Variants in DNAAF6 observed in about 807,000 individuals in gnomAD.
DNAAF6 encodes dynein axonemal assembly factor 6.
In DNAAF6, 3 loss-of-function variants were observed where a neutral mutation model predicts 13.7. The ratio of observed to expected loss-of-function variants is 0.22; its 90% CI spans 0.10 to 0.56. The LOEUF (loss-of-function observed/expected upper bound fraction) is 0.56, where lower values mean the gene tolerates loss of function less well. Ranked by LOEUF, DNAAF6 falls within the 20% of genes least tolerant of loss-of-function variation. DNAAF6 has a pLI of 0.92. For missense variants in DNAAF6, 130 were observed against 151.0 expected (o/e 0.86, Z 0.73); for synonymous variants, 54 against 49.2 (o/e 1.10, Z -0.41).
At chrX:107,218,738 A>C in intron 3 of DNAAF6, 126 bp from the exon 4 acceptor site, 1 of 635,271 alleles carries the variant, frequency 1.6e-6, no homozygotes, top group Non-Finnish European at 2.3e-6. Flanking sequence ...TTGATCAAAA[A>C]AAAAAGCTAG....
At position 107,243,227 on chromosome X, in the gene DNAAF6, A is replaced by G; in HGVS notation, c.574A>G (p.Ile192Val). The G allele has an allele frequency of 8.3e-7, 1 of 1,210,633 alleles. No individual in the cohort carries two copies. Among genetic ancestry groups the G allele is most frequent in the Non-Finnish European group, 1.1e-6 (1 of 895,178 alleles). Residue 192 changes from isoleucine (I) to valine (V), a missense_variant, in exon 7 of 7, where the codon ATC becomes GTC. Ile to Val is a conservative substitution (Grantham distance 29). Coordinates refer to ENST00000372453, the MANE Select transcript of DNAAF6 (RefSeq NM_173494.2). The stretch of plus-strand genomic sequence containing the variant: ...ATGTACCAGTGCCAAAGCATTCTAT[A>G]TCCCAGAGACTGAAACTCTTGAAAT... ...VECTSAKAFY[I>V]PETETLEITM...
Position 107,239,025 on chromosome X carries a change from C to T in DNAAF6, c.515+18C>T. 9 of 1,191,511 alleles carry T rather than the reference C, an allele frequency of 7.6e-6. No individual in the cohort carries two copies. The highest frequency in any genetic ancestry group is 1.0e-5 in the Non-Finnish European group (9 of 889,153). ...CCTCAGAAGTGAGTAAAACTTAGAA[C>T]TGGAATAGTGTATTATAATATTAAA... is the stretch of plus-strand genomic sequence containing the variant. On this transcript the variant is annotated intron_variant, in intron 6 of 6. Coordinates refer to ENST00000372453, the MANE Select transcript of DNAAF6 (RefSeq NM_173494.2).
intron 4 of DNAAF6, among the ~76,000 whole-genome samples, chrX:107,221,308 C>T (rs1336462672): frequency 9.1e-6 from 1 of 109,819 alleles, no homozygotes; most frequent in Non-Finnish European, 1.9e-5. Flanking sequence ...ACCACCGCCC[C>T]CCCGGCCCCG....
intron 5 of DNAAF6, among the ~76,000 whole-genome samples, chrX:107,232,318 C>A (rs1928422480): frequency 9.2e-6 from 1 of 108,503 alleles, no homozygotes; most frequent in Non-Finnish European, 1.9e-5. Flanking sequence ...CTTATTGTCC[C>A]ATATTTTTAT....
intron 1 of DNAAF6, among the ~76,000 whole-genome samples, chrX:107,211,782 T>C (rs1335075650): frequency 8.9e-6 from 1 of 111,838 alleles, no homozygotes; most frequent in Non-Finnish European, 1.9e-5. Context: ...AGACATGATA[T>C]CTAAATATAT....
chrX:107,235,459 T>C (rs1928492297), intron 5 of DNAAF6, among the ~76,000 whole-genome samples: 1 of 111,552 alleles, frequency 9.0e-6, no homozygotes, highest in Admixed American at 9.5e-5. Flanking sequence ...AAAAAAGGCA[T>C]TGCTTCTGCC....
intron 5 of DNAAF6, among the ~76,000 whole-genome samples, chrX:107,236,589 C>T (rs77180422): frequency 0.06 from 6,651 of 111,352 alleles, 189 homozygotes; most frequent in South Asian, 0.24. Context: ...TCTCTGAAAC[C>T]ACTGTAGTAT....
chrX:107,230,524 A>C (rs1217715571), intron 5 of DNAAF6, among the ~76,000 whole-genome samples: 1 of 111,706 alleles, frequency 9.0e-6, no homozygotes, highest in Non-Finnish European at 1.9e-5. Context: ...TTCTACTAGA[A>C]ATATAAAAAT....
chrX:107,234,733 G>C (rs188343836), intron 5 of DNAAF6, among the ~76,000 whole-genome samples: 25 of 111,886 alleles, frequency 2.2e-4, no homozygotes, highest in Non-Finnish European at 1.5e-4. Flanking sequence ...TGCTGGTCAA[G>C]TTACATATAT....
intron 4 of DNAAF6, among the ~76,000 whole-genome samples, chrX:107,220,748 T>C (rs1437233107): frequency 9.0e-6 from 1 of 111,237 alleles, no homozygotes; most frequent in Non-Finnish European, 1.9e-5. Flanking sequence ...GAAGAGTTGG[T>C]ATTTGGTTAG....
chrX:107,226,056 C>T lies in DNAAF6; in HGVS notation c.429+3215C>T, dbSNP rs1019023658. Reference sequence around the variant, plus strand: ...TACCACTGCCTTGTTTAAGAAGGTACTATCACCCATGAGGCAGCTCTTAGG... The same window carrying T: ...TACCACTGCCTTGTTTAAGAAGGTATTATCACCCATGAGGCAGCTCTTAGG... On this transcript the variant is annotated intron_variant, in intron 5 of 6. Transcript: ENST00000372453. Among the ~76,000 whole-genome samples, 3 of 111,983 alleles carry T rather than the reference C, an allele frequency of 2.7e-5. No individual in the cohort carries two copies. The East Asian group carries it at 8.4e-4, about 31-fold the overall frequency.
In DNAAF6 at chrX:107,238,987, T is replaced by C. The variant is rs1928575282; in HGVS notation, c.495T>C (p.Leu165=). ...AAATTGATATCCAGGAAACAATCCT[T>C]GACCTTCGTACTCCTCAGAAGTGAG... ...DIQIDIQETI[L]DLRTPQKKLL... is the part of the protein sequence containing the mutation. Residue 165 remains leucine (L), a synonymous_variant, in exon 6 of 7, where the codon CTT becomes CTC. Coordinates refer to ENST00000372453, the MANE Select transcript of DNAAF6 (RefSeq NM_173494.2). The C allele has an allele frequency of 8.3e-7, 1 of 1,208,718 alleles. No homozygotes were observed. The highest frequency in any genetic ancestry group is 1.7e-5 in the African/African-American group (1 of 57,149).
At chrX:107,208,868 A>T (rs1927782279) in intron 1 of DNAAF6, among the ~76,000 whole-genome samples, 1 of 112,020 alleles carries the variant, frequency 8.9e-6, no homozygotes, top group Admixed American at 9.5e-5. Flanking sequence ...AGTAATCAAT[A>T]ACTATTTAAT....
At chrX:107,237,107 T>C (rs899689942) in intron 5 of DNAAF6, among the ~76,000 whole-genome samples, 2 of 112,438 alleles carry the variant, frequency 1.8e-5, no homozygotes, top group Non-Finnish European at 3.8e-5. Context: ...TTTACAAATC[T>C]TTGTTTATAT....
chrX:107,209,942 G>A (rs1927812811), intron 1 of DNAAF6, among the ~76,000 whole-genome samples: 1 of 111,965 alleles, frequency 8.9e-6, no homozygotes, highest in Admixed American at 9.5e-5. Context: ...CTTAGAACCA[G>A]TCTGACTTTA....
At chrX:107,207,880 C>T (rs1193386494) in intron 1 of DNAAF6, among the ~76,000 whole-genome samples, 2 of 111,254 alleles carry the variant, frequency 1.8e-5, no homozygotes, top group Non-Finnish European at 1.9e-5. Context: ...GATGGCGCCA[C>T]TGCACTCTAG....
chrX:107,210,453 C>G (rs1367884030), intron 1 of DNAAF6, among the ~76,000 whole-genome samples: 1 of 110,499 alleles, frequency 9.0e-6, no homozygotes, highest in South Asian at 4.0e-4. Context: ...GGATCTCACT[C>G]TGTCTCCCAG....
chrX:107,238,901 T>C (rs770013971), intron 5 of DNAAF6, 21 bp from the exon 6 acceptor site: 1 of 1,205,739 alleles, frequency 8.3e-7, no homozygotes, highest in South Asian at 1.8e-5. Flanking sequence ...TCACTATTTT[T>C]CTTCTCATTT....
intron 5 of DNAAF6, among the ~76,000 whole-genome samples, chrX:107,236,922 C>T (rs1046176916): frequency 9.0e-6 from 1 of 111,496 alleles, no homozygotes; most frequent in Admixed American, 9.5e-5. Flanking sequence ...GAATAGAATG[C>T]CTATTTACTT....
Sources: gnomAD v4.1 joint callset for allele counts (sites outside exome capture counted in the v4.1 genomes callset) on GRCh38, gnomAD v4.1.1 for gene constraint, MANE v1.5 for transcripts, NCBI Gene and HGNC (gene_info 2026-07-23, HGNC 2026-07-21) for gene names.